The following SEMA6D variants were observed in gnomAD, a reference collection of about 807,000 sequenced individuals.
The protein encoded by SEMA6D is semaphorin 6D.
Under a neutral mutation model 106.6 loss-of-function variants are expected in SEMA6D, and 35 were observed. The observed-to-expected ratio is 0.33, with a 90% CI of 0.25 to 0.44. The LOEUF is 0.44. Among genes scored for constraint, SEMA6D ranks in the 20% least tolerant of loss-of-function variants. The pLI, the probability that SEMA6D is intolerant of heterozygous loss-of-function variation, is 1.00. For synonymous variants in SEMA6D, 499 were observed against 487.7 expected (o/e 1.02, Z -0.31); for missense variants, 1,185 against 1,345.9 (o/e 0.88, Z 1.87).
intron 3 of SEMA6D, among the ~76,000 whole-genome samples, chr15:47,478,890 G>A (rs1284123523): frequency 6.6e-6 from 1 of 152,118 alleles, no homozygotes; most frequent in African/African-American, 2.4e-5. Context: ...ATCTTACATG[G>A]AGGCAGGCAA....
chr15:47,454,042 A>G (rs1365637676), intron 2 of SEMA6D, among the ~76,000 whole-genome samples: 3 of 151,928 alleles, frequency 2.0e-5, no homozygotes, highest in Non-Finnish European at 4.4e-5. Context: ...TAGTGTTGTG[A>G]GTGGTGCAAG....
intron 1 of SEMA6D, among the ~76,000 whole-genome samples, chr15:47,739,350 C>T (rs1353776248): frequency 6.6e-6 from 1 of 152,178 alleles, no homozygotes; most frequent in East Asian, 1.9e-4. Flanking sequence ...TCTCCGTTAA[C>T]CTAGTCTACC....
At chr15:47,297,317 C>A (rs187261442) in intron 1 of SEMA6D, among the ~76,000 whole-genome samples, 67 of 152,226 alleles carry the variant, frequency 4.4e-4, no homozygotes, top group African/African-American at 1.6e-3. Context: ...AGTTTAGTTT[C>A]TTGCACAGGA....
intron 3 of SEMA6D, among the ~76,000 whole-genome samples, chr15:47,591,616 G>A (rs1341762290): frequency 6.6e-6 from 1 of 152,184 alleles, no homozygotes; most frequent in African/African-American, 2.4e-5. Flanking sequence ...CAGTGAGAGA[G>A]GGGCTATGAG....
At chr15:47,494,186 CCT>C (rs989825148) in intron 3 of SEMA6D, among the ~76,000 whole-genome samples, 1 of 152,004 alleles carries the variant, frequency 6.6e-6, no homozygotes, top group Admixed American at 6.6e-5. Flanking sequence ...TTGGTGTCAC[CCT>C]CTCTATTATT....
At chr15:47,593,696 C>T (rs934187741) in intron 3 of SEMA6D, among the ~76,000 whole-genome samples, 2 of 152,090 alleles carry the variant, frequency 1.3e-5, no homozygotes, top group Non-Finnish European at 2.9e-5. Context: ...TTAATTGGCT[C>T]ATTATTCCAC....
intron 1 of SEMA6D, among the ~76,000 whole-genome samples, chr15:47,236,095 A>AT (rs1350650989): frequency 3.3e-5 from 5 of 152,128 alleles, no homozygotes; most frequent in Non-Finnish European, 7.4e-5. Flanking sequence ...TGTGTTAAAA[A>AT]TGTTATCTGG....
intron 3 of SEMA6D, among the ~76,000 whole-genome samples, chr15:47,565,708 C>T (rs76389570): frequency 0.017 from 2,537 of 152,300 alleles, 72 homozygotes; most frequent in African/African-American, 0.058. Context: ...ATGTGTAGTA[C>T]ATAACATATT....
chr15:47,244,305 T>C (rs749915532), intron 1 of SEMA6D, among the ~76,000 whole-genome samples: 1 of 152,134 alleles, frequency 6.6e-6, no homozygotes, highest in South Asian at 2.1e-4. Flanking sequence ...TTAGGCCAAA[T>C]TGGTTAAACT....
At chr15:47,728,570 C>T (rs2079913137) in intron 1 of SEMA6D, among the ~76,000 whole-genome samples, 1 of 152,216 alleles carries the variant, frequency 6.6e-6, no homozygotes, top group Admixed American at 6.5e-5. Context: ...GCTCAAGGAG[C>T]ATCACTTAGT....
chr15:47,235,840 A>G (rs1053025530), intron 1 of SEMA6D, among the ~76,000 whole-genome samples: 1 of 152,014 alleles, frequency 6.6e-6, no homozygotes, highest in African/African-American at 2.4e-5. Context: ...CTTTAGCACT[A>G]GGTAATTTCC....
At chr15:47,729,622 C>A (rs192804742) in intron 1 of SEMA6D, among the ~76,000 whole-genome samples, 1 of 152,286 alleles carries the variant, frequency 6.6e-6, no homozygotes, top group Admixed American at 6.5e-5. Context: ...TAGCCAAGTC[C>A]ATTTCCAGCC....
intron 1 of SEMA6D, among the ~76,000 whole-genome samples, chr15:47,366,285 T>G (rs1209274718): frequency 6.6e-6 from 1 of 152,206 alleles, no homozygotes; most frequent in African/African-American, 2.4e-5. Context: ...CACTGTGACT[T>G]CAGGGGAGCC....
At chr15:47,204,426 T>G (rs553881635) in intron 1 of SEMA6D, among the ~76,000 whole-genome samples, 4 of 152,128 alleles carry the variant, frequency 2.6e-5, no homozygotes, top group Non-Finnish European at 5.9e-5. Context: ...ACAGTAAAAT[T>G]GAGGTTATAT....
chr15:47,505,753 G>A (rs1353895533), intron 3 of SEMA6D, among the ~76,000 whole-genome samples: 3 of 152,160 alleles, frequency 2.0e-5, no homozygotes, highest in Non-Finnish European at 4.4e-5. Context: ...AATATGGCAA[G>A]ATGCTAATAA....
intron 1 of SEMA6D, among the ~76,000 whole-genome samples, chr15:47,394,726 G>C (rs561461739): frequency 2.0e-5 from 3 of 152,252 alleles, no homozygotes; most frequent in African/African-American, 7.2e-5. Context: ...ATGATTGTCT[G>C]TCTAAATCAA....
chr15:47,730,720 C>T (rs1490417209), intron 1 of SEMA6D: 12 of 1,605,420 alleles, frequency 7.5e-6, no homozygotes, highest in East Asian at 6.7e-5. Context: ...CACTTTCAGC[C>T]GCTTATAGAG....
chr15:47,726,471 C>G (rs1256845288), intron 1 of SEMA6D, among the ~76,000 whole-genome samples: 1 of 152,196 alleles, frequency 6.6e-6, no homozygotes, highest in Non-Finnish European at 1.5e-5. Flanking sequence ...TTCCTAGGGT[C>G]AAACAGCTAG....
At chr15:47,474,003 TG>T (rs1048976596) in intron 3 of SEMA6D, among the ~76,000 whole-genome samples, 5 of 152,090 alleles carry the variant, frequency 3.3e-5, no homozygotes, top group Non-Finnish European at 5.9e-5. Flanking sequence ...GCCGGAAGCC[TG>T]GGAAGGCTGT....
Sources: gnomAD v4.1 joint callset for allele counts (sites outside exome capture counted in the v4.1 genomes callset) on GRCh38, gnomAD v4.1.1 for gene constraint, MANE v1.5 for transcripts, NCBI Gene and HGNC (gene_info 2026-07-23, HGNC 2026-07-21) for gene names.